Variants in PDE4D observed in about 807,000 individuals in gnomAD.
The protein encoded by PDE4D is 3',5'-cyclic-AMP phosphodiesterase 4D.
In PDE4D, 24 loss-of-function variants were observed where a neutral mutation model predicts 87.4. The ratio of observed to expected loss-of-function variants is 0.27; its 90% CI spans 0.20 to 0.39. The LOEUF (loss-of-function observed/expected upper bound fraction) is 0.39. Ranked by LOEUF, PDE4D falls within the 10% of genes least tolerant of loss-of-function variation. The probability of loss-of-function intolerance (pLI) is 1.00; values close to 1 mark genes in which losing one functional copy is unlikely to be tolerated. For missense variants in PDE4D, 714 were observed against 1,041.0 expected (o/e 0.69, Z 4.32); for synonymous variants, 384 against 383.2 (o/e 1.00, Z -0.02).
intron 1 of PDE4D, among the ~76,000 whole-genome samples, chr5:59,230,067 G>A (rs1379825958): frequency 5.9e-5 from 9 of 152,194 alleles, no homozygotes; most frequent in South Asian, 2.1e-4. Context: ...GATTATAGGC[G>A]TGAGCCACCG....
chr5:59,015,030 C>A (rs1753690640), intron 6 of PDE4D, among the ~76,000 whole-genome samples: 1 of 152,116 alleles, frequency 6.6e-6, no homozygotes, highest in Non-Finnish European at 1.5e-5. Flanking sequence ...GGAAAGGATT[C>A]CCTATTTAAT....
chr5:59,942,131 T>A (rs892731230), intron 3 of PDE4D, among the ~76,000 whole-genome samples: 1 of 152,250 alleles, frequency 6.6e-6, no homozygotes, highest in Non-Finnish European at 1.5e-5. Context: ...GCCTTTCTTA[T>A]TGAATTTTCA....
chr5:58,996,860 T>C (rs1259186033), intron 6 of PDE4D, among the ~76,000 whole-genome samples: 1 of 152,124 alleles, frequency 6.6e-6, no homozygotes, highest in African/African-American at 2.4e-5. Context: ...GGAATCTAAA[T>C]ATTGTACAGA....
At position 59,885,088 on chromosome 5, in the gene PDE4D, C is replaced by T. The variant is rs145157696; in HGVS notation, c.455+8080G>A. 2.2e-3 allele frequency among the ~76,000 whole-genome samples: 335 copies of T among 151,994 alleles called. 1 individual carries two copies. The highest frequency in any genetic ancestry group is 7.9e-3 in the African/African-American group (327 of 41,498). The stretch of plus-strand genomic sequence containing the variant: ...ATTTATCCTATATTAAATAATTTAT[C>T]CTTTTCTCACTGATTTGGACTGCTA... On this transcript the variant is annotated intron_variant, in intron 1 of 14. Coordinates refer to ENST00000340635, the MANE Select transcript of PDE4D (RefSeq NM_001104631.2).
intron 1 of PDE4D, among the ~76,000 whole-genome samples, chr5:59,715,537 G>A (rs972271548): frequency 6.6e-6 from 1 of 152,204 alleles, no homozygotes; most frequent in African/African-American, 2.4e-5. Flanking sequence ...TGAAGTCAGA[G>A]CAATATGAAT....
At chr5:59,077,472 C>CT (rs1765888158) in intron 5 of PDE4D, among the ~76,000 whole-genome samples, 4 of 114,212 alleles carry the variant, frequency 3.5e-5, no homozygotes, top group Non-Finnish European at 5.4e-5. Flanking sequence ...TTTTTTTTTT[C>CT]TTCTTTTTTT....
In PDE4D at chr5:58,989,743, A is replaced by G. The variant is rs895588877; in HGVS notation, c.1452+12T>C. 3.8e-6 allele frequency: 6 copies of G among 1,568,844 alleles called. No homozygotes were observed. Among genetic ancestry groups the G allele is most frequent in the Non-Finnish European group, 5.2e-6 (6 of 1,157,698 alleles). On this transcript the variant is annotated intron_variant, in intron 10 of 14. Transcript: ENST00000340635. ...CAAGTTAGTGTTCTTGAAATTTCAG[A>G]AACAGATTTACCTCCAAAGCAGGTG...
At chr5:59,201,780 C>T (rs1022697464) in intron 2 of PDE4D, among the ~76,000 whole-genome samples, 5 of 152,016 alleles carry the variant, frequency 3.3e-5, no homozygotes, top group Admixed American at 6.6e-5. Context: ...GAAGCTATTG[C>T]CACTTAGAAT....
chr5:60,198,840 G>GT (rs1393123850), intron 1 of PDE4D, among the ~76,000 whole-genome samples: 1 of 151,574 alleles, frequency 6.6e-6, no homozygotes, highest in Non-Finnish European at 1.5e-5. Flanking sequence ...CAAGCATTGG[G>GT]TTTTTTAGGA....
intron 1 of PDE4D, among the ~76,000 whole-genome samples, chr5:59,640,678 C>G (rs569451465): frequency 2.6e-5 from 4 of 152,188 alleles, no homozygotes; most frequent in African/African-American, 4.8e-5. Context: ...TGTCCTTCCA[C>G]TACATTCTTC....
intron 2 of PDE4D, among the ~76,000 whole-genome samples, chr5:60,119,987 C>T (rs1411988334): frequency 6.6e-6 from 1 of 152,064 alleles, no homozygotes; most frequent in African/African-American, 2.4e-5. Flanking sequence ...AGGATAGAAG[C>T]TAAAAACAGA....
At chr5:60,310,808 A>G (rs375750677) in intron 1 of PDE4D, among the ~76,000 whole-genome samples, 7 of 152,134 alleles carry the variant, frequency 4.6e-5, no homozygotes, top group African/African-American at 1.7e-4. Context: ...GCCTTTGCTC[A>G]CCTCTTTAAA....
chr5:59,294,062 C>T (rs1768574103), intron 1 of PDE4D, among the ~76,000 whole-genome samples: 1 of 152,152 alleles, frequency 6.6e-6, no homozygotes, highest in Non-Finnish European at 1.5e-5. Context: ...TAAATGACTA[C>T]AGAATGTTTA....
intron 1 of PDE4D, among the ~76,000 whole-genome samples, chr5:59,827,536 C>T (rs1021800011): frequency 1.8e-4 from 27 of 152,118 alleles, no homozygotes; most frequent in African/African-American, 6.0e-4. Flanking sequence ...TCTGTTTACA[C>T]GTTTCACAAT....
intron 1 of PDE4D, among the ~76,000 whole-genome samples, chr5:59,699,890 C>G (rs1325371617): frequency 1.3e-5 from 2 of 152,050 alleles, no homozygotes; most frequent in East Asian, 3.8e-4. Context: ...CTAGTTAGAT[C>G]CAATTTAGAT....
intron 1 of PDE4D, among the ~76,000 whole-genome samples, chr5:60,240,171 C>A (rs181107784): frequency 1.3e-5 from 2 of 152,182 alleles, no homozygotes; most frequent in African/African-American, 4.8e-5. Context: ...TTTGCCTACT[C>A]TCTAAGTTCT....
intron 2 of PDE4D, among the ~76,000 whole-genome samples, chr5:60,124,301 A>G (rs1014714685): frequency 1.3e-5 from 2 of 152,074 alleles, no homozygotes; most frequent in Non-Finnish European, 2.9e-5. Context: ...TCCTCAGATT[A>G]TTTCTTACAA....
At chr5:59,628,081 G>T (rs960053345) in intron 1 of PDE4D, among the ~76,000 whole-genome samples, 6 of 152,164 alleles carry the variant, frequency 3.9e-5, no homozygotes, top group Admixed American at 3.9e-4. Context: ...ATAAAAAATT[G>T]CTGCCACAGA....
intron 1 of PDE4D, among the ~76,000 whole-genome samples, chr5:59,621,977 C>T (rs938704745): frequency 3.3e-5 from 5 of 152,096 alleles, no homozygotes; most frequent in Non-Finnish European, 5.9e-5. Context: ...TTTATATTTT[C>T]ATATCTTTTA....
Sources: gnomAD v4.1 joint callset for allele counts (sites outside exome capture counted in the v4.1 genomes callset) on GRCh38, gnomAD v4.1.1 for gene constraint, MANE v1.5 for transcripts, NCBI Gene and HGNC (gene_info 2026-07-23, HGNC 2026-07-21) for gene names.